The following MATN3 variants were observed in gnomAD, a reference collection of about 807,000 sequenced individuals.
MATN3 encodes matrilin-3.
In MATN3, 48 loss-of-function variants were observed where a neutral mutation model predicts 45.3. The ratio of observed to expected loss-of-function variants is 1.06; its 90% CI spans 0.84 to 1.35. MATN3 has a LOEUF of 1.35. Ranked by LOEUF, MATN3 falls within the 40% of genes most tolerant of loss-of-function variation. The probability of loss-of-function intolerance (pLI) is 0.00; values close to 1 mark genes in which losing one functional copy is unlikely to be tolerated. For synonymous variants in MATN3, 217 were observed against 245.9 expected (o/e 0.88, Z 1.10); for missense variants, 599 against 628.0 (o/e 0.95, Z 0.49).
At chr2:19,996,671 G>A (rs1672875240) in intron 6 of MATN3, among the ~76,000 whole-genome samples, 1 of 152,160 alleles carries the variant, frequency 6.6e-6, no homozygotes, top group Non-Finnish European at 1.5e-5. Flanking sequence ...TAAAAGCCAG[G>A]ATGAGAGAAG....
At chr2:20,002,161 TACACACACACACAC>T (rs35083474) in intron 3 of MATN3, 81 bp from the exon 4 acceptor site, 75 of 647,576 alleles carry the variant, frequency 1.2e-4, no homozygotes, top group Non-Finnish European at 1.7e-4. Context: ...CTTACAGTTA[TACACACACACACAC>T]ACACACACAC....
rs980440501 is a variant in MATN3, at chr2:20,003,314, C to T, written c.791-28G>A. The T allele has an allele frequency of 3.8e-6, 6 of 1,575,492 alleles. No homozygotes were observed. The African/African-American group carries it at 5.4e-5, about 14-fold the overall frequency. On this transcript the variant is annotated intron_variant, in intron 2 of 7. Transcript: ENST00000407540. ...GTGAGAGGAAGTTTACAACAGTCAG[C>T]ACTGACACTTAGGAAACATCTCAGA...
Position 20,006,254 on chromosome 2 carries a change from C to A in MATN3, c.280G>T (p.Val94Leu), listed in dbSNP as rs1251267503. 6.2e-7 allele frequency: 1 copy of A among 1,607,486 alleles called. No individual in the cohort carries two copies. The highest frequency in any genetic ancestry group is 8.5e-7 in the Non-Finnish European group (1 of 1,177,872). ...ACTTTGGTGAATTCCAGGGGCCGTA[C>A]GCTACGAGAACTATCAATGATAAAC... The part of the protein sequence containing the change: ...LVFIIDSSRS[V>L]RPLEFTKVKT... The change falls in exon 2 of 8, where the codon GTA (valine) becomes TTA (leucine). Residue 94 changes from valine (V) to leucine (L), a missense_variant. Transcript: ENST00000407540.
intron 2 of MATN3, 98 bp downstream of exon 2, chr2:20,005,646 T>C: frequency 9.0e-7 from 1 of 1,109,152 alleles, no homozygotes; most frequent in Non-Finnish European, 1.2e-6. Flanking sequence ...AGTTTTTCAT[T>C]AAATTTCCAC....
At position 19,995,779 on chromosome 2, in the gene MATN3, C is replaced by G. The variant is rs1672854370; in HGVS notation, c.1294+1355G>C. 6.6e-6 allele frequency among the ~76,000 whole-genome samples: 1 copy of G among 152,152 alleles called. No individual in the cohort carries two copies. Among genetic ancestry groups the G allele is most frequent in the Non-Finnish European group, 1.5e-5 (1 of 68,020 alleles). ...ATGGAGTAATTCTATTGCCTGAGGA[C>G]AGGAAATGGTCCTTTGCTGCAACAT... On this transcript the variant is annotated intron_variant, in intron 6 of 7. Transcript: ENST00000407540. This position sits in a 1 kb window ranked among gnomAD's most constrained non-coding sequence, Gnocchi z 4.2.
Position 20,012,515 on chromosome 2 carries a change from C to T in MATN3, c.117G>A (p.Leu39=). The change falls in exon 1 of 8, where the codon CTG becomes CTA. Residue 39 remains leucine, a synonymous_variant. Coordinates refer to ENST00000407540, the MANE Select transcript of MATN3 (RefSeq NM_002381.5). This position sits in a 1 kb window ranked among gnomAD's most constrained non-coding sequence, Gnocchi z 4.3. ...GGCTGCCCCCGGGACCTCGGGTCTC[C>T]AGCCTCCGGAAGCCCGGGCGGGCCA... is the stretch of plus-strand genomic sequence containing the variant. ...DPVARPGFRR[L]ETRGPGGSPG... 2.4e-6 allele frequency: 3 copies of T among 1,228,298 alleles called. No homozygotes were observed. The highest frequency in any genetic ancestry group is 3.0e-6 in the Non-Finnish European group (3 of 985,894). The allele number at this position is 1,228,298 out of a possible 1,614,324, so 76.1% of individuals were successfully genotyped here.
intron 1 of MATN3, among the ~76,000 whole-genome samples, chr2:20,010,064 T>TCCAAAAAAAA (rs1247085339): frequency 1.9e-3 from 20 of 10,782 alleles, no homozygotes; most frequent in Non-Finnish European, 2.1e-3. Context: ...TCTCTTCAAA[T>TCCAAAAAAAA]ACTAAAAAAA....
chr2:20,010,727 A>G (rs981141335), intron 1 of MATN3, among the ~76,000 whole-genome samples: 1 of 152,218 alleles, frequency 6.6e-6, no homozygotes, highest in Admixed American at 6.5e-5. Context: ...CCCTGCCGAC[A>G]CCTTCATCTT....
intron 5 of MATN3, among the ~76,000 whole-genome samples, chr2:19,999,626 TAA>T (rs56100312): frequency 2.3e-3 from 275 of 120,134 alleles, no homozygotes; most frequent in South Asian, 0.016. Flanking sequence ...GGTTTCCCTT[TAA>T]AAAAAAAAAA....
At position 20,006,184 on chromosome 2, in the gene MATN3, G is replaced by C. The variant is rs948810038; in HGVS notation, c.350C>G (p.Pro117Arg). 6.2e-7 allele frequency: 1 copy of C among 1,613,792 alleles called. No individual in the cohort carries two copies. Among genetic ancestry groups the C allele is most frequent in the African/African-American group, 1.3e-5 (1 of 74,914 alleles). Residue 117 changes from proline (P) to arginine (R), a missense_variant, in exon 2 of 8, where the codon CCA becomes CGA. Pro to Arg is a moderately radical substitution (Grantham distance 103, BLOSUM62 -2). Coordinates refer to ENST00000407540, the MANE Select transcript of MATN3 (RefSeq NM_002381.5). ...CACCACTGCCACCCGCGTGTCGGCT[G>C]GCCCAATGTCCAGAGTGTCGATTAT... ...SRIIDTLDIGPADTRVAVVNY... is the reference protein window; with the variant it reads ...SRIIDTLDIGRADTRVAVVNY...
In MATN3 at chr2:19,997,859, ACTAT is replaced by A. The variant is rs1456673354; in HGVS notation, c.1169-604_1169-601del. 8 of 152,250 alleles carry A rather than the reference ACTAT, an allele frequency of 5.3e-5. No homozygotes were observed. The East Asian group carries it at 1.5e-3, about 29-fold the overall frequency. The allele number at this position is 152,250 out of a possible 1,614,324, so 9.4% of individuals were successfully genotyped here. A position where few individuals can be genotyped will look rare whatever the true frequency, so the allele number is the denominator to read the frequency against. ...TGTATGATTAGAGAGTGAAGTACTT[ACTAT>A]CTATCACAAATAACATTTCAGGGAC... is the stretch of plus-strand genomic sequence containing the variant. On this transcript the variant is annotated intron_variant, in intron 5 of 7. Coordinates refer to ENST00000407540, the MANE Select transcript of MATN3 (RefSeq NM_002381.5).
chr2:20,000,466 C>T lies in MATN3; in HGVS notation c.1143G>A (p.Leu381=), dbSNP rs780429065. Residue 381 remains leucine, a synonymous_variant, in exon 5 of 8, where the codon CTG becomes CTA. Coordinates refer to ENST00000407540, the MANE Select transcript of MATN3 (RefSeq NM_002381.5). ...CTGAACATGTTTTTTTATCTGCATT[C>T]AGAGTGTAGCCCTCATAGCATTCAC... ...HHCECYEGYT[L]NADKKTCSVR... The T allele has an allele frequency of 4.4e-6, 7 of 1,608,728 alleles. No individual in the cohort carries two copies. The African/African-American group carries it at 8.0e-5, about 18-fold the overall frequency.
intron 4 of MATN3, 38 bp from the exon 5 acceptor site, chr2:20,000,604 T>G: frequency 6.3e-7 from 1 of 1,588,478 alleles, no homozygotes; most frequent in Non-Finnish European, 8.5e-7. Flanking sequence ...AAATAGAAGG[T>G]GGAAAAGTAT....
chr2:19,994,380 T>A lies in MATN3; in HGVS notation c.1324A>T (p.Thr442Ser), dbSNP rs371946052. ...GCTTCACATCCACAAGCATCTTCAGTGGAAACAAGTCTTCGTGCTTCCTCA... is the reference window on the plus strand; with the variant it reads ...GCTTCACATCCACAAGCATCTTCAGAGGAAACAAGTCTTCGTGCTTCCTCA... The part of the protein sequence containing the change: ...ATEEARRLVS[T>S]EDACGCEATL... The change falls in exon 7 of 8, where the codon ACT becomes TCT. Residue 442 changes from threonine to serine, a missense_variant. Transcript: ENST00000407540. The A allele has an allele frequency of 1.2e-6, 2 of 1,613,104 alleles. No individual in the cohort carries two copies. The highest frequency in any genetic ancestry group is 1.7e-6 in the Non-Finnish European group (2 of 1,179,422).
rs939863851 is a variant in MATN3, at chr2:19,995,281, C to T, written c.1295-872G>A. Among the ~76,000 whole-genome samples the T allele has an allele frequency of 2.6e-5, 4 of 151,940 alleles. No individual in the cohort carries two copies. The highest frequency in any genetic ancestry group is 4.4e-5 in the Non-Finnish European group (3 of 68,000). On this transcript the variant is annotated intron_variant, in intron 6 of 7. Coordinates refer to ENST00000407540, the MANE Select transcript of MATN3 (RefSeq NM_002381.5). The surrounding 1 kb of genome is among the most constrained non-coding windows in gnomAD (Gnocchi z 4.2). Reference sequence around the variant, plus strand: ...CAGCCTGGACAACATAGTGAAACCCCGTCTCTAATAAAGACACAAAAATTA... The same window carrying T: ...CAGCCTGGACAACATAGTGAAACCCTGTCTCTAATAAAGACACAAAAATTA...
At chr2:20,001,098 C>T (rs1672976990) in intron 4 of MATN3, among the ~76,000 whole-genome samples, 1 of 152,170 alleles carries the variant, frequency 6.6e-6, no homozygotes, top group Non-Finnish European at 1.5e-5. Flanking sequence ...TACTTTTAAA[C>T]TTTTCATCTG....
Position 19,994,338 on chromosome 2 carries a change from C to T in MATN3, c.1366G>A (p.Asp456Asn). The change falls in exon 7 of 8, where the codon GAC (aspartate) becomes AAC (asparagine). Residue 456 changes from aspartate (D) to asparagine (N), a missense_variant. By Grantham distance (23) the Asp-to-Asn change is conservative. Transcript: ENST00000407540. The stretch of plus-strand genomic sequence containing the variant: ...CTTTGAAGATACGAGCTGACCTTGT[C>T]CTGGAATGCCAGTGTAGCTTCACAT... ...CGCEATLAFQDKVSSYLQRLN... is the reference protein window; with the variant it reads ...CGCEATLAFQNKVSSYLQRLN... 1 of 1,613,552 alleles carries T rather than the reference C, an allele frequency of 6.2e-7. No homozygotes were observed. Among genetic ancestry groups the T allele is most frequent in the Non-Finnish European group, 8.5e-7 (1 of 1,179,662 alleles).
chr2:20,006,991 G>A (rs1469162773), intron 1 of MATN3, among the ~76,000 whole-genome samples: 1 of 152,222 alleles, frequency 6.6e-6, no homozygotes, highest in Non-Finnish European at 1.5e-5. Flanking sequence ...GCCAAGGCGG[G>A]CAAATCAAGA....
At chr2:20,003,125 A>G in intron 3 of MATN3, 36 bp downstream of exon 3, 3 of 1,611,432 alleles carry the variant, frequency 1.9e-6, no homozygotes, top group Non-Finnish European at 1.7e-6. Context: ...GTTCCCAAGT[A>G]TTTGATTCAG....
Sources: allele counts gnomAD v4.1 joint callset (sites outside exome capture counted in the v4.1 genomes callset), GRCh38; gene constraint gnomAD v4.1.1; non-coding constraint Gnocchi (gnomAD v3.1); transcripts MANE v1.5; gene names NCBI Gene and HGNC (gene_info 2026-07-23, HGNC 2026-07-21).